Variants in PDK4 observed in about 807,000 individuals in gnomAD.
PDK4 encodes the protein pyruvate dehydrogenase kinase, isozyme 4.
In PDK4, 43 loss-of-function variants were observed where a neutral mutation model predicts 51.7. The observed-to-expected ratio is 0.83, with a 90% CI of 0.65 to 1.07. The LOEUF is 1.07. Among genes scored for constraint, PDK4 ranks in the 50% least tolerant of loss-of-function variants. PDK4 has a pLI of 0.00. For synonymous variants in PDK4, 170 were observed against 176.6 expected (o/e 0.96, Z 0.30); for missense variants, 498 against 503.5 (o/e 0.99, Z 0.10).
intron 8 of PDK4, 22 bp from the exon 9 acceptor site, chr7:95,587,550 T>G: frequency 6.9e-7 from 1 of 1,451,862 alleles, no homozygotes; most frequent in Non-Finnish European, 9.7e-7. Context: ...AAACAAGTCA[T>G]CAAAGCCACA....
In PDK4 at chr7:95,592,821, T is replaced by G. The variant is rs747830308; in HGVS notation, c.468A>C (p.Gln156His). The change falls in exon 4 of 11, where the codon CAA becomes CAC. Residue 156 changes from glutamine (Q) to histidine (H), a missense_variant. Coordinates refer to ENST00000005178, the MANE Select transcript of PDK4 (RefSeq NM_002612.4). ...TVDPVTNQNL[Q>H]YFLDRFYMNR... The stretch of plus-strand genomic sequence containing the variant: ...TCATGTAAAATCGATCCAAGAAATA[T>G]TGAAGATTTTGATTGGTGACTGGGT... 1 of 1,613,294 alleles carries G rather than the reference T, an allele frequency of 6.2e-7. No homozygotes were observed. The highest frequency in any genetic ancestry group is 8.5e-7 in the Non-Finnish European group (1 of 1,179,430).
rs59642242 is a variant in PDK4 at position 95,587,882 on chromosome 7, GTT to G, written c.772-59_772-58del. The G allele has an allele frequency of 5.5e-3, 4,726 of 853,676 alleles. 150 individuals are homozygous for G. In the African/African-American group the frequency reaches 0.071, roughly 13 times the overall value. 52.9% of individuals were successfully genotyped at this position (853,676 alleles called of 1,614,324 possible). ...GGCAGAGGAATGAGGGACAATAAAT[GTT>G]TTTTTTTTTATGTTTAAAATAAAAG... On this transcript the variant is annotated intron_variant, in intron 7 of 10. Transcript: ENST00000005178.
At position 95,592,844 on chromosome 7, in the gene PDK4, G is replaced by C. The variant is rs778188332; in HGVS notation, c.445C>G (p.Pro149Ala). The C allele has an allele frequency of 6.2e-7, 1 of 1,611,776 alleles. No individual in the cohort carries two copies. Among genetic ancestry groups the C allele is most frequent in the East Asian group, 2.2e-5 (1 of 44,812 alleles). The change falls in exon 4 of 11, where the codon CCA (proline) becomes GCA (alanine). Residue 149 changes from proline (P) to alanine (A), a missense_variant. Pro to Ala is a conservative substitution (Grantham distance 27, BLOSUM62 -1). Transcript: ENST00000005178. ...IEYKDACTVD[P>A]VTNQNLQYFL... ...TATTGAAGATTTTGATTGGTGACTG[G>C]GTCAACTGTACAGGCATCTTTATAC...
intron 4 of PDK4, 27 bp from the exon 5 acceptor site, chr7:95,592,624 A>T (rs754493607): frequency 6.7e-7 from 1 of 1,496,586 alleles, no homozygotes; most frequent in Admixed American, 1.7e-5. Flanking sequence ...ACAAAAAAAA[A>T]TTGTTATAAA....
chr7:95,585,542 G>A lies in PDK4; in HGVS notation c.*99C>T, dbSNP rs189647329. 4.8e-5 allele frequency: 52 copies of A among 1,073,092 alleles called. No individual in the cohort carries two copies. The highest frequency in any genetic ancestry group is 4.7e-4 in the African/African-American group (30 of 63,760). The allele number at this position is 1,073,092 out of a possible 1,614,324, so 66.5% of individuals were successfully genotyped here. On this transcript the variant is annotated 3_prime_UTR_variant, in exon 11 of 11. Transcript: ENST00000005178. ...TGATTAAGGAGTTTTCGTTGCTGTCGTTTGTTTTGGAGGAAACAAGGGTTC... is the reference window on the plus strand; with the variant it reads ...TGATTAAGGAGTTTTCGTTGCTGTCATTTGTTTTGGAGGAAACAAGGGTTC...
chr7:95,596,071 TTA>T lies in PDK4; in HGVS notation c.130+91_130+92del. 2.2e-6 allele frequency: 3 copies of T among 1,360,138 alleles called. No individual in the cohort carries two copies. The African/African-American group carries it at 4.6e-5, about 21-fold the overall frequency. 84.3% of individuals were successfully genotyped at this position (1,360,138 alleles called of 1,614,324 possible). ...AGCAGCAAAGTGAACCCCAGTTGTTTTAGCTTGAGCCTAGCCCTCCCTCTACC... is the reference window on the plus strand; with the variant it reads ...AGCAGCAAAGTGAACCCCAGTTGTTTGCTTGAGCCTAGCCCTCCCTCTACC... On this transcript the variant is annotated intron_variant, in intron 1 of 10. Transcript: ENST00000005178.
In PDK4 at chr7:95,596,510, A is replaced by G; in HGVS notation, c.-217T>C. The G allele has an allele frequency of 2.0e-6, 1 of 497,808 alleles. No homozygotes were observed. The highest frequency in any genetic ancestry group is 3.4e-6 in the Non-Finnish European group (1 of 290,496). 30.8% of individuals were successfully genotyped at this position (497,808 alleles called of 1,614,324 possible). ...ATGCAGTGGTTCGAGATTCAAGTTCAAGTCTTCCCACCAGCCGCCGCCGCC... is the reference window on the plus strand; with the variant it reads ...ATGCAGTGGTTCGAGATTCAAGTTCGAGTCTTCCCACCAGCCGCCGCCGCC... On this transcript the variant is annotated 5_prime_UTR_variant, in exon 1 of 11. Coordinates refer to ENST00000005178, the MANE Select transcript of PDK4 (RefSeq NM_002612.4).
intron 10 of PDK4, 50 bp from the exon 11 acceptor site, chr7:95,585,831 A>G (rs1791474826): frequency 6.6e-7 from 1 of 1,520,126 alleles, no homozygotes; most frequent in Non-Finnish European, 9.0e-7. Context: ...TATGCATGGC[A>G]TAATTTGCAC....
Position 95,595,058 on chromosome 7 carries a change from T to C in PDK4, c.237A>G (p.Leu79=). The change falls in exon 2 of 11, where the codon TTA becomes TTG. Residue 79 remains leucine (L), a synonymous_variant. Transcript: ENST00000005178. ...CCAATTGCACTGAAGAGGTATTTAC[T>C]AATTGGGTCGGGAGGATATCAATTT... ...LKEIDILPTQ[L]VNTSSVQLVK... is the part of the protein sequence containing the mutation. The C allele has an allele frequency of 1.2e-6, 2 of 1,612,512 alleles. No homozygotes were observed. The highest frequency in any genetic ancestry group is 1.7e-6 in the Non-Finnish European group (2 of 1,178,670).
At chr7:95,593,081 T>C in intron 3 of PDK4, 137 bp from the exon 4 acceptor site, 1 of 506,684 alleles carries the variant, frequency 2.0e-6, no homozygotes, top group Non-Finnish European at 3.5e-6. Flanking sequence ...CATTAGTCCT[T>C]TATTAGTAAT....
chr7:95,587,891 T>G, intron 7 of PDK4, 66 bp from the exon 8 acceptor site: 1 of 1,048,478 alleles, frequency 9.5e-7, no homozygotes, highest in Non-Finnish European at 1.5e-6. Context: ...TGTTTTTTTT[T>G]TTATGTTTAA....
intron 6 of PDK4, among the ~76,000 whole-genome samples, chr7:95,589,937 TG>T (rs1318945328): frequency 2.0e-5 from 3 of 152,206 alleles, no homozygotes; most frequent in Admixed American, 1.3e-4. Flanking sequence ...TTTTGTTAAT[TG>T]TTTTTTTTTT....
chr7:95,591,308 T>C (rs1791549442), intron 6 of PDK4, among the ~76,000 whole-genome samples: 1 of 151,946 alleles, frequency 6.6e-6, no homozygotes, highest in Non-Finnish European at 1.5e-5. Flanking sequence ...TTTTTTTGTA[T>C]TGGGGTGGAG....
At chr7:95,596,037 C>T in intron 1 of PDK4, 127 bp downstream of exon 1, 2 of 1,078,962 alleles carry the variant, frequency 1.9e-6, no homozygotes, top group Non-Finnish European at 2.6e-6. Flanking sequence ...CGTCGAGGCT[C>T]CAGGGCTCAG....
At chr7:95,586,913 C>A (rs1791489018) in intron 10 of PDK4, 97 bp downstream of exon 10, 2 of 665,498 alleles carry the variant, frequency 3.0e-6, no homozygotes, top group Admixed American at 2.5e-5. Context: ...TTTGCATTAA[C>A]TCAGTTTGGG....
At chr7:95,591,863 A>C in intron 6 of PDK4, 125 bp downstream of exon 6, 2 of 574,548 alleles carry the variant, frequency 3.5e-6, no homozygotes. Flanking sequence ...TTCAAAAAAA[A>C]TGTGTACAAA....
Position 95,596,183 on chromosome 7 carries a change from C to A in PDK4, c.111G>T (p.Met37Ile). Residue 37 changes from methionine (M) to isoleucine (I), a missense_variant, in exon 1 of 11, where the codon ATG (methionine) becomes ATT (isoleucine). Coordinates refer to ENST00000005178, the MANE Select transcript of PDK4 (RefSeq NM_002612.4). Reference sequence around the variant, plus strand: ...TCTCACCAAAGTCCAGTAGCTGCTTCATGGACAGCGGGGACGGGCTGTAGC... The same window carrying A: ...TCTCACCAAAGTCCAGTAGCTGCTTAATGGACAGCGGGGACGGGCTGTAGC... ...FSRYSPSPLS[M>I]KQLLDFGSEN... 3 of 1,604,074 alleles carry A rather than the reference C, an allele frequency of 1.9e-6. No individual in the cohort carries two copies. Among genetic ancestry groups the A allele is most frequent in the Non-Finnish European group, 2.6e-6 (3 of 1,175,624 alleles).
In PDK4 at chr7:95,596,413, C is replaced by G; in HGVS notation, c.-120G>C. The G allele has an allele frequency of 8.6e-6, 10 of 1,164,692 alleles. No individual in the cohort carries two copies. The highest frequency in any genetic ancestry group is 1.1e-5 in the Non-Finnish European group (10 of 873,378). 72.1% of individuals were successfully genotyped at this position (1,164,692 alleles called of 1,614,324 possible). On this transcript the variant is annotated 5_prime_UTR_variant, in exon 1 of 11. Transcript: ENST00000005178. Reference sequence around the variant, plus strand: ...CGGGCGAGGACTGCAGGTGCGCTGGCTGGCTTGTGCGCCCCGGCCTGGGCT... The same window carrying G: ...CGGGCGAGGACTGCAGGTGCGCTGGGTGGCTTGTGCGCCCCGGCCTGGGCT...
At position 95,584,261 on chromosome 7, in the gene PDK4, T is replaced by C. The variant is rs1247738995; in HGVS notation, c.*1380A>G. ...AATGACATATCCCAGAAAATACAGA[T>C]TTTTTTTGAAATAATTTGTGGGGAA... is the stretch of plus-strand genomic sequence containing the variant. On this transcript the variant is annotated 3_prime_UTR_variant, in exon 11 of 11. Transcript: ENST00000005178. 1 of 151,856 alleles carries C rather than the reference T, an allele frequency of 6.6e-6. No individual in the cohort carries two copies. The highest frequency in any genetic ancestry group is 1.5e-5 in the Non-Finnish European group (1 of 67,980). The allele number at this position is 151,856 out of a possible 1,614,324, so 9.4% of individuals were successfully genotyped here.
Sources: allele counts gnomAD v4.1 joint callset (sites outside exome capture counted in the v4.1 genomes callset), GRCh38; gene constraint gnomAD v4.1.1; transcripts MANE v1.5; gene names NCBI Gene and HGNC (gene_info 2026-07-23, HGNC 2026-07-21).